The following C16orf74 variants were observed in gnomAD, a reference collection of about 807,000 sequenced individuals.
C16orf74 encodes calcimembrin.
In C16orf74, 10 loss-of-function variants were observed where a neutral mutation model predicts 6.5. The observed-to-expected ratio is 1.54, with a 90% confidence interval of 0.95 to 2.61. The LOEUF (loss-of-function observed/expected upper bound fraction) is 2.61, where lower values mean the gene tolerates loss of function less well. Among genes scored for constraint, C16orf74 ranks in the 30% most tolerant of loss-of-function variants. C16orf74 has a pLI of 0.00. For missense variants in C16orf74, 141 were observed against 105.9 expected, an observed-to-expected ratio of 1.33 and a Z score of -1.45; for synonymous variants, 60 against 42.5, an observed-to-expected ratio of 1.41 and a Z score of -1.60.
chr16:85,744,409 G>C (rs561869196), intron 1 of C16orf74, among the ~76,000 whole-genome samples: 61 of 152,138 alleles, frequency 4.0e-4, no homozygotes, highest in African/African-American at 1.5e-3. Context: ...ATTTGCAGGG[G>C]TGTGAAAAAC....
At chr16:85,728,721 C>G (rs2054158843) in intron 2 of C16orf74, among the ~76,000 whole-genome samples, 1 of 152,232 alleles carries the variant, frequency 6.6e-6, no homozygotes, top group Non-Finnish European at 1.5e-5. Flanking sequence ...TCTCAGAAAA[C>G]TCTCGAGACC....
At position 85,707,996 on chromosome 16, in the gene C16orf74, C is replaced by T. The variant is rs1335882279; in HGVS notation, c.*12G>A. 3.2e-6 allele frequency: 5 copies of T among 1,551,704 alleles called. No homozygotes were observed. Among genetic ancestry groups the T allele is most frequent in the African/African-American group, 1.4e-5 (1 of 73,078 alleles). ...GGAGCAGGAGCCAGCCAGCCAAACC[C>T]AGGACACCTCCTCAGGCTTCTGGGT... is the stretch of plus-strand genomic sequence containing the variant. On this transcript the variant is annotated 3_prime_UTR_variant, in exon 4 of 4. Transcript: ENST00000284245.
At chr16:85,734,471 C>A (rs1025897438) in intron 2 of C16orf74, among the ~76,000 whole-genome samples, 11 of 152,050 alleles carry the variant, frequency 7.2e-5, no homozygotes, top group African/African-American at 1.7e-4. Context: ...GGCCCCGGGG[C>A]AGGCTAGAAG....
Position 85,735,309 on chromosome 16 carries a change from C to A in C16orf74, c.-18-74G>T, listed in dbSNP as rs541554395. On this transcript the variant is annotated intron_variant, in intron 1 of 3. Transcript: ENST00000284245. Reference sequence around the variant, plus strand: ...TATTGGCCACGTGCAGCCGGGCCCCCACCCTTGGCCCTGATGAGTGCAAAA... The same window carrying A: ...TATTGGCCACGTGCAGCCGGGCCCCAACCCTTGGCCCTGATGAGTGCAAAA... The A allele has an allele frequency of 9.6e-6, 11 of 1,141,670 alleles. No individual in the cohort carries two copies. The East Asian group carries it at 2.8e-4, about 29-fold the overall frequency. 70.7% of individuals were successfully genotyped at this position (1,141,670 alleles called of 1,614,324 possible).
chr16:85,731,338 G>A (rs925101065), intron 2 of C16orf74, among the ~76,000 whole-genome samples: 1 of 152,266 alleles, frequency 6.6e-6, no homozygotes, highest in Non-Finnish European at 1.5e-5. Context: ...CAGCTGCAGA[G>A]GTCACATGCC....
chr16:85,710,625 C>T, intron 2 of C16orf74: 1 of 305,968 alleles, frequency 3.3e-6, no homozygotes, highest in East Asian at 8.2e-5. Context: ...TCATTCCCGG[C>T]CACCAGCCCC....
intron 1 of C16orf74, among the ~76,000 whole-genome samples, chr16:85,738,362 T>C (rs1379553272): frequency 6.6e-6 from 1 of 150,592 alleles, no homozygotes; most frequent in Admixed American, 6.6e-5. Flanking sequence ...TCTCACTCTG[T>C]TGCCCAGGCT....
intron 2 of C16orf74, among the ~76,000 whole-genome samples, chr16:85,726,300 G>T (rs2054132316): frequency 6.6e-6 from 1 of 152,210 alleles, no homozygotes; most frequent in African/African-American, 2.4e-5. Flanking sequence ...GGCTGAGTGT[G>T]CTGCCTGGCA....
intron 1 of C16orf74, among the ~76,000 whole-genome samples, chr16:85,749,568 C>T (rs993631657): frequency 6.6e-6 from 1 of 152,256 alleles, no homozygotes; most frequent in Non-Finnish European, 1.5e-5. Flanking sequence ...CAGGCGTGAG[C>T]CACTGTGCCT....
At chr16:85,709,155 G>A (rs1217181587) in intron 3 of C16orf74, among the ~76,000 whole-genome samples, 2 of 152,216 alleles carry the variant, frequency 1.3e-5, no homozygotes, top group Non-Finnish European at 2.9e-5. Context: ...AGGAGTTTGA[G>A]ACCAGCCTGG....
chr16:85,719,080 T>C (rs2054053219), intron 2 of C16orf74, among the ~76,000 whole-genome samples: 1 of 152,244 alleles, frequency 6.6e-6, no homozygotes, highest in African/African-American at 2.4e-5. Flanking sequence ...GCTGTGACAC[T>C]GCCTCTCGGC....
intron 1 of C16orf74, among the ~76,000 whole-genome samples, chr16:85,749,006 C>G (rs989467861): frequency 6.7e-6 from 1 of 149,732 alleles, no homozygotes; most frequent in Non-Finnish European, 1.5e-5. Flanking sequence ...GTCTCAAACT[C>G]CTGGCCTCAG....
intron 3 of C16orf74, among the ~76,000 whole-genome samples, chr16:85,709,495 G>GTTGTTGTTATTA (rs150032889): frequency 4.7e-5 from 7 of 147,398 alleles, no homozygotes; most frequent in African/African-American, 1.8e-4. Context: ...CATCCCCAAT[G>GTTGTTGTTATTA]TTATTATTAT....
intron 1 of C16orf74, among the ~76,000 whole-genome samples, chr16:85,740,159 G>A (rs962447758): frequency 1.5e-5 from 2 of 135,914 alleles, no homozygotes; most frequent in Admixed American, 8.6e-5. Flanking sequence ...GTAGGGAGCC[G>A]AGATCACGCC....
intron 1 of C16orf74, among the ~76,000 whole-genome samples, chr16:85,741,958 G>A (rs1396454396): frequency 6.6e-6 from 1 of 152,184 alleles, no homozygotes; most frequent in Admixed American, 6.5e-5. Context: ...TCAGAACACT[G>A]GGCCTGATGG....
At chr16:85,737,525 C>G (rs1319592442) in intron 1 of C16orf74, among the ~76,000 whole-genome samples, 2 of 152,180 alleles carry the variant, frequency 1.3e-5, no homozygotes, top group African/African-American at 2.4e-5. Context: ...TAAGAAGACC[C>G]TGTCTCTATA....
chr16:85,716,839 G>C (rs2152058967), intron 2 of C16orf74, among the ~76,000 whole-genome samples: 1 of 152,252 alleles, frequency 6.6e-6, no homozygotes, highest in East Asian at 1.9e-4. Context: ...GCCAATGCTG[G>C]GGATTAAAAA....
intron 1 of C16orf74, among the ~76,000 whole-genome samples, chr16:85,744,380 T>C (rs1291327931): frequency 1.3e-5 from 2 of 152,094 alleles, no homozygotes; most frequent in Non-Finnish European, 2.9e-5. Context: ...TAGGTATAAA[T>C]GTTCTATCTT....
intron 1 of C16orf74, among the ~76,000 whole-genome samples, chr16:85,736,067 G>C (rs1238540695): frequency 6.6e-6 from 1 of 152,162 alleles, no homozygotes; most frequent in Non-Finnish European, 1.5e-5. Flanking sequence ...CCACCCCACA[G>C]GGGCCTGTAG....
Sources: allele counts gnomAD v4.1 joint callset (sites outside exome capture counted in the v4.1 genomes callset), GRCh38; gene constraint gnomAD v4.1.1; transcripts MANE v1.5; gene names NCBI Gene and HGNC (gene_info 2026-07-23, HGNC 2026-07-21).